Variants in ARHGEF15 observed in about 807,000 individuals in gnomAD.
The protein encoded by ARHGEF15 is Rho guanine nucleotide exchange factor (GEF) 15.
In ARHGEF15, 58 loss-of-function variants were observed where a neutral mutation model predicts 79.7. That is an observed-to-expected ratio of 0.73 (90% confidence interval 0.59 to 0.91). The LOEUF (loss-of-function observed/expected upper bound fraction) is 0.91, where lower values mean the gene tolerates loss of function less well. Ranked by LOEUF, ARHGEF15 falls within the 40% of genes least tolerant of loss-of-function variation. The pLI, the probability that ARHGEF15 is intolerant of heterozygous loss-of-function variation, is 0.00. For synonymous variants in ARHGEF15, 442 were observed against 456.0 expected, an observed-to-expected ratio of 0.97 and a Z score of 0.39; for missense variants, 1,012 against 1,108.1, an observed-to-expected ratio of 0.91 and a Z score of 1.23.
At position 8,318,184 on chromosome 17, in the gene ARHGEF15, G is replaced by A; in HGVS notation, c.1705-203G>A. The A allele has an allele frequency of 1.7e-6, 1 of 578,252 alleles. No homozygotes were observed. Among genetic ancestry groups the A allele is most frequent in the African/African-American group, 1.9e-5 (1 of 53,798 alleles). 35.8% of individuals were successfully genotyped at this position (578,252 alleles called of 1,614,324 possible). A position where few individuals can be genotyped will look rare whatever the true frequency, so the allele number is the denominator to read the frequency against. ...AACAATGCTATTGATATGCTAGGTG[G>A]GTATTAGCCCCATTTTACAGATAGG... On this transcript the variant is annotated intron_variant, in intron 9 of 15. Coordinates refer to ENST00000361926, the MANE Select transcript of ARHGEF15 (RefSeq NM_173728.4). This position sits in a 1 kb window ranked among gnomAD's most constrained non-coding sequence, Gnocchi z 5.0.
Position 8,312,989 on chromosome 17 carries a change from C to T in ARHGEF15, c.669C>T (p.Leu223=). 1 of 1,608,832 alleles carries T rather than the reference C, an allele frequency of 6.2e-7. No homozygotes were observed. The highest frequency in any genetic ancestry group is 1.1e-5 in the South Asian group (1 of 90,584). ...ACACCACCCGGCCTGGCCTGGAGCT[C>T]AGATGGGTGCCTGTGGGGGGCTATG... ...VCHTTRPGLE[L]RWVPVGGYEE... is the part of the protein sequence containing the mutation. The change falls in exon 3 of 16, where the codon CTC becomes CTT. Residue 223 remains leucine (L), a synonymous_variant. Transcript: ENST00000361926.
chr17:8,316,408 C>T (rs1331132341), intron 9 of ARHGEF15, among the ~76,000 whole-genome samples: 2 of 152,212 alleles, frequency 1.3e-5, no homozygotes, highest in African/African-American at 4.8e-5. Flanking sequence ...ATGAGTTCCA[C>T]ACCTAGCTCT....
intron 1 of ARHGEF15, among the ~76,000 whole-genome samples, chr17:8,311,278 C>T (rs1159432412): frequency 6.6e-6 from 1 of 151,998 alleles, no homozygotes; most frequent in African/African-American, 2.4e-5. Flanking sequence ...TCCTGTCCTT[C>T]GGTTCATTCT....
intron 13 of ARHGEF15, 29 bp from the exon 14 acceptor site, chr17:8,319,283 A>C (rs755806042): frequency 6.2e-7 from 1 of 1,611,650 alleles, no homozygotes; most frequent in Non-Finnish European, 8.5e-7. Context: ...TTTTGGGCCA[A>C]CTGTGACACT....
rs763300468 is a variant in ARHGEF15, at chr17:8,318,339, C to G, written c.1705-48C>G. The G allele has an allele frequency of 1.9e-6, 3 of 1,569,634 alleles. No individual in the cohort carries two copies. On this transcript the variant is annotated intron_variant, in intron 9 of 15. Coordinates refer to ENST00000361926, the MANE Select transcript of ARHGEF15 (RefSeq NM_173728.4). This position sits in a 1 kb window ranked among gnomAD's most constrained non-coding sequence, Gnocchi z 5.0. ...TCTGAGCTGTGGCCCCTCTGAATCCCAGGGCCACAGAGCAGGGGGCCCAGT... is the reference window on the plus strand; with the variant it reads ...TCTGAGCTGTGGCCCCTCTGAATCCGAGGGCCACAGAGCAGGGGGCCCAGT...
In ARHGEF15 at chr17:8,320,979, G is replaced by T. The variant is rs778382312; in HGVS notation, c.2512G>T (p.Ala838Ser). Residue 838 changes from alanine to serine, a missense_variant, in exon 16 of 16, where the codon GCC (alanine) becomes TCC (serine). Physicochemically the swap from Ala to Ser is moderately conservative, Grantham distance 99. Transcript: ENST00000361926. ...TGGATCTTCTTCAGGCACCCCCAATGCCCCCCCACCCTAATGCAGGCTGAG... is the reference window on the plus strand; with the variant it reads ...TGGATCTTCTTCAGGCACCCCCAATTCCCCCCCACCCTAATGCAGGCTGAG... ...AVGSSSGTPN[A>S]PPP is the part of the protein sequence containing the mutation. 3.1e-6 allele frequency: 5 copies of T among 1,613,452 alleles called. No individual in the cohort carries two copies. The highest frequency in any genetic ancestry group is 1.7e-5 in the Admixed American group (1 of 59,978).
At position 8,313,031 on chromosome 17, in the gene ARHGEF15, C is replaced by T. The variant is rs537744294; in HGVS notation, c.711C>T (p.Val237=). 9.0e-4 allele frequency: 1,458 copies of T among 1,613,112 alleles called. 26 individuals carry two copies. In the South Asian group the frequency reaches 0.014, roughly 16 times the overall value. Residue 237 remains valine (V), a synonymous_variant, in exon 3 of 16, where the codon GTC becomes GTT. Coordinates refer to ENST00000361926, the MANE Select transcript of ARHGEF15 (RefSeq NM_173728.4). ...PVGGYEEVPR[V]PRRASPLRTS... ...GGGGCTATGAGGAGGTCCCCAGGGT[C>T]CCCCGTCGGGCCTCCCCGCTGCGGA...
Position 8,320,838 on chromosome 17 carries a change from C to T in ARHGEF15, c.2375-4C>T, listed in dbSNP as rs1220537092. 12 of 1,612,146 alleles carry T rather than the reference C, an allele frequency of 7.4e-6. No homozygotes were observed. Among genetic ancestry groups the T allele is most frequent in the Non-Finnish European group, 1.0e-5 (12 of 1,179,712 alleles). ...CATTGGAGCCTCTGTCTCTCTTCCCCCAGGTTGGCTGAAGGGGCTTCCTGG... is the reference window on the plus strand; with the variant it reads ...CATTGGAGCCTCTGTCTCTCTTCCCTCAGGTTGGCTGAAGGGGCTTCCTGG... On this transcript the variant is annotated splice_region_variant and splice_polypyrimidine_tract_variant and intron_variant, in intron 15 of 15. Transcript: ENST00000361926.
intron 1 of ARHGEF15, among the ~76,000 whole-genome samples, chr17:8,310,576 C>T (rs930754188): frequency 1.3e-5 from 2 of 152,136 alleles, no homozygotes; most frequent in Non-Finnish European, 2.9e-5. Flanking sequence ...GTCTTGTCCT[C>T]ATCCCTACCC....
rs1567681100 is a variant in ARHGEF15, at chr17:8,321,174, G to C, written c.*181G>C. ...CGGCCGCCTGAACCCACAGCAATAA[G>C]AATGAATGAGGATGCCTTGAATGTG... On this transcript the variant is annotated 3_prime_UTR_variant, in exon 16 of 16. Coordinates refer to ENST00000361926, the MANE Select transcript of ARHGEF15 (RefSeq NM_173728.4). 3 of 778,644 alleles carry C rather than the reference G, an allele frequency of 3.9e-6. No individual in the cohort carries two copies. Among genetic ancestry groups the C allele is most frequent in the African/African-American group, 1.8e-5 (1 of 57,034 alleles). The allele number at this position is 778,644 out of a possible 1,614,324, so 48.2% of individuals were successfully genotyped here.
rs1240171315 is a variant in ARHGEF15 at position 8,312,395 on chromosome 17, C to T, written c.356C>T (p.Pro119Leu). The T allele has an allele frequency of 1.2e-5, 19 of 1,612,068 alleles. No individual in the cohort carries two copies. Among genetic ancestry groups the T allele is most frequent in the Non-Finnish European group, 1.5e-5 (18 of 1,179,130 alleles). The change falls in exon 2 of 16, where the codon CCC (proline) becomes CTC (leucine). Residue 119 changes from proline to leucine, a missense_variant. Around this residue, in one of 3 missense-constraint regions of ARHGEF15, gnomAD observed 818 missense variants for 882.5 expected, o/e 0.93. Transcript: ENST00000361926. ...GAACCTGCTCCCCGGTCTCCAGTCC[C>T]CCCACCCAAGCCGTCTGGGTCACCC... Reference protein sequence around the residue: ...SPEPAPRSPVPPPKPSGSPCT... With the variant: ...SPEPAPRSPVLPPKPSGSPCT...
Position 8,315,323 on chromosome 17 carries a change from C to T in ARHGEF15, c.1260+46C>T. The T allele has an allele frequency of 1.2e-6, 2 of 1,610,714 alleles. No homozygotes were observed. Among genetic ancestry groups the T allele is most frequent in the Non-Finnish European group, 1.7e-6 (2 of 1,178,196 alleles). On this transcript the variant is annotated intron_variant, in intron 6 of 15. Transcript: ENST00000361926. The surrounding 1 kb of genome is among the most constrained non-coding windows in gnomAD (Gnocchi z 4.3). Reference sequence around the variant, plus strand: ...ATGGGAGGGGGGTGCTGGGGTTGGGCTGCATGGGTCAGGCATAGGGGAGGA... The same window carrying T: ...ATGGGAGGGGGGTGCTGGGGTTGGGTTGCATGGGTCAGGCATAGGGGAGGA...
chr17:8,313,316 A>G lies in ARHGEF15; in HGVS notation c.934+62A>G, dbSNP rs576604856. ...GGGGACAGGAGAGAGGCAGGGGGGA[A>G]CTAAAGCCCAGCAAACTACAATCCC... On this transcript the variant is annotated intron_variant, in intron 3 of 15. Coordinates refer to ENST00000361926, the MANE Select transcript of ARHGEF15 (RefSeq NM_173728.4). 5.8e-6 allele frequency: 9 copies of G among 1,551,924 alleles called. No individual in the cohort carries two copies. In the East Asian group the frequency reaches 6.8e-5, roughly 12 times the overall value.
At position 8,315,867 on chromosome 17, in the gene ARHGEF15, C is replaced by T. The variant is rs777832647; in HGVS notation, c.1534C>T (p.Arg512Trp). The T allele has an allele frequency of 1.2e-6, 2 of 1,611,672 alleles. No individual in the cohort carries two copies. Among genetic ancestry groups the T allele is most frequent in the Non-Finnish European group, 1.7e-6 (2 of 1,179,966 alleles). ...TTTCTCGGTGTATGTGGATTATGTG[C>T]GGAACCAGCAGTATCAGGAGGAGAC... ...GPFSVYVDYV[R>W]NQQYQEETYS... The change falls in exon 8 of 16, where the codon CGG becomes TGG. Residue 512 changes from arginine (R) to tryptophan (W), a missense_variant. By Grantham distance (101) the Arg-to-Trp change is moderately radical. This residue lies in a region of ARHGEF15 where 818 missense variants were observed against 882.5 expected (regional missense o/e 0.93). Transcript: ENST00000361926. The surrounding 1 kb of genome is among the most constrained non-coding windows in gnomAD (Gnocchi z 4.3).
Position 8,313,009 on chromosome 17 carries a change from G to T in ARHGEF15, c.689G>T (p.Gly230Val), listed in dbSNP as rs548334478. Residue 230 changes from glycine to valine, a missense_variant, in exon 3 of 16, where the codon GGC (glycine) becomes GTC (valine). Physicochemically the swap from Gly to Val is moderately radical, Grantham distance 109. Around this residue, in one of 3 missense-constraint regions of ARHGEF15, gnomAD observed 818 missense variants for 882.5 expected, o/e 0.93. Coordinates refer to ENST00000361926, the MANE Select transcript of ARHGEF15 (RefSeq NM_173728.4). ...GAGCTCAGATGGGTGCCTGTGGGGG[G>T]CTATGAGGAGGTCCCCAGGGTCCCC... is the stretch of plus-strand genomic sequence containing the variant. ...GLELRWVPVGGYEEVPRVPRR... is the reference protein window; with the variant it reads ...GLELRWVPVGVYEEVPRVPRR... The T allele has an allele frequency of 1.2e-6, 2 of 1,612,440 alleles. No homozygotes were observed. Among genetic ancestry groups the T allele is most frequent in the East Asian group, 2.2e-5 (1 of 44,848 alleles).
rs1597460709 is a variant in ARHGEF15 at position 8,312,445 on chromosome 17, G to A, written c.406G>A (p.Gly136Arg). 6.2e-7 allele frequency: 1 copy of A among 1,613,758 alleles called. No homozygotes were observed. Among genetic ancestry groups the A allele is most frequent in the Non-Finnish European group, 8.5e-7 (1 of 1,179,892 alleles). ...CTGCACGCCTCTGCTCCCCATGGCT[G>A]GAGTCCTGGCTCAGAATGGCTCTGC... ...SPCTPLLPMA[G>R]VLAQNGSASA... Residue 136 changes from glycine (G) to arginine (R), a missense_variant, in exon 2 of 16, where the codon GGA becomes AGA. By Grantham distance (125) the Gly-to-Arg change is moderately radical (BLOSUM62 -2). Around this residue, in one of 3 missense-constraint regions of ARHGEF15, gnomAD observed 818 missense variants for 882.5 expected, o/e 0.93. Transcript: ENST00000361926.
At position 8,315,703 on chromosome 17, in the gene ARHGEF15, G is replaced by A; in HGVS notation, c.1422-52G>A. ...TCCCAAACCTTCTCTCAAGAACCCG[G>A]GAGACCTGGCTCTCTGCCCCGCCCC... is the stretch of plus-strand genomic sequence containing the variant. On this transcript the variant is annotated intron_variant, in intron 7 of 15. Coordinates refer to ENST00000361926, the MANE Select transcript of ARHGEF15 (RefSeq NM_173728.4). This position sits in a 1 kb window ranked among gnomAD's most constrained non-coding sequence, Gnocchi z 4.3. 2 of 1,596,726 alleles carry A rather than the reference G, an allele frequency of 1.3e-6. No homozygotes were observed. The highest frequency in any genetic ancestry group is 8.5e-7 in the Non-Finnish European group (1 of 1,171,220).
At position 8,312,390 on chromosome 17, in the gene ARHGEF15, A is replaced by G. The variant is rs765962698; in HGVS notation, c.351A>G (p.Pro117=). The stretch of plus-strand genomic sequence containing the variant: ...CCCCAGAACCTGCTCCCCGGTCTCC[A>G]GTCCCCCCACCCAAGCCGTCTGGGT... ...SASPEPAPRS[P]VPPPKPSGSP... The change falls in exon 2 of 16, where the codon CCA becomes CCG. Residue 117 remains proline (P), a synonymous_variant. Transcript: ENST00000361926. 6.2e-7 allele frequency: 1 copy of G among 1,610,818 alleles called. No homozygotes were observed. Among genetic ancestry groups the G allele is most frequent in the Non-Finnish European group, 8.5e-7 (1 of 1,178,606 alleles).
intron 1 of ARHGEF15, 102 bp from the exon 2 acceptor site, chr17:8,311,889 C>G: frequency 1.4e-6 from 1 of 718,938 alleles, no homozygotes; most frequent in East Asian, 2.9e-5. Flanking sequence ...AACCCCCACA[C>G]CAGCCTTCCC....
Sources: gnomAD v4.1 joint callset for allele counts (sites outside exome capture counted in the v4.1 genomes callset) on GRCh38, gnomAD v4.1.1 for gene constraint, gnomAD v4.1.1 regional missense constraint, Gnocchi (gnomAD v3.1) non-coding constraint, MANE v1.5 for transcripts, NCBI Gene and HGNC (gene_info 2026-07-23, HGNC 2026-07-21) for gene names.